NEK1: variants seen among roughly 807,000 people sequenced by gnomAD.
NEK1 encodes NIMA related kinase 1, also known as serine/threonine-protein kinase Nek1.
Under a neutral mutation model 182.1 loss-of-function variants are expected in NEK1, and 137 were observed. The observed-to-expected ratio is 0.75, with a 90% CI of 0.65 to 0.87. NEK1 has a LOEUF of 0.87. NEK1 is among the 40% of genes least tolerant of loss of function. The pLI, the probability that NEK1 is intolerant of heterozygous loss-of-function variation, is 0.00. For synonymous variants in NEK1, 513 were observed against 492.2 expected (o/e 1.04, Z -0.56); for missense variants, 1,391 against 1,494.4 (o/e 0.93, Z 1.14).
In NEK1 at chr4:169,507,629, T is replaced by C. The variant is rs145407222; in HGVS notation, c.1911+86A>G. 2,985 of 899,032 alleles carry C rather than the reference T, an allele frequency of 3.3e-3. 58 individuals carry two copies. In the African/African-American group the frequency reaches 0.041, roughly 12 times the overall value. 55.7% of individuals were successfully genotyped at this position (899,032 alleles called of 1,614,324 possible). A position where few individuals can be genotyped will look rare whatever the true frequency, so the allele number is the denominator to read the frequency against. ...AAATTAAAGGAAGAGACTAAAGTGATATAACTATGCAAAACTTAAGAACAC... is the reference window on the plus strand; with the variant it reads ...AAATTAAAGGAAGAGACTAAAGTGACATAACTATGCAAAACTTAAGAACAC... On this transcript the variant is annotated intron_variant, in intron 22 of 35. Transcript: ENST00000507142.
At chr4:169,506,846 G>C in intron 23 of NEK1, 191 bp downstream of exon 23, 1 of 325,934 alleles carries the variant, frequency 3.1e-6, no homozygotes, top group Non-Finnish European at 5.5e-6. Context: ...CTTCCACATT[G>C]ATTATTCTTA....
At chr4:169,430,783 T>C (rs955652344) in intron 29 of NEK1, among the ~76,000 whole-genome samples, 1 of 152,092 alleles carries the variant, frequency 6.6e-6, no homozygotes, top group African/African-American at 2.4e-5. Flanking sequence ...GGCTCATCAG[T>C]TGTAACAAAT....
chr4:169,483,865 CA>C (rs376726833), intron 23 of NEK1, among the ~76,000 whole-genome samples: 38 of 117,284 alleles, frequency 3.2e-4, no homozygotes, highest in South Asian at 1.2e-3. Flanking sequence ...GACTCTGTCT[CA>C]AAAAAAAAAA....
chr4:169,494,313 T>C (rs1327914915), intron 23 of NEK1, among the ~76,000 whole-genome samples: 1 of 152,142 alleles, frequency 6.6e-6, no homozygotes, highest in African/African-American at 2.4e-5. Context: ...GTGTTCTCAT[T>C]GTTCAATTCC....
intron 18 of NEK1, among the ~76,000 whole-genome samples, chr4:169,545,053 CTTTT>C (rs200190997): frequency 2.2e-5 from 3 of 137,908 alleles, no homozygotes; most frequent in Admixed American, 7.2e-5. Context: ...TTCTCTGATT[CTTTT>C]TTTTTTTTTT....
At chr4:169,589,349 T>G (rs546532588) in intron 7 of NEK1, 98 bp downstream of exon 7, 1 of 741,976 alleles carries the variant, frequency 1.3e-6, no homozygotes, top group Non-Finnish European at 2.3e-6. Context: ...CAGTAAAGAA[T>G]GTACTTAAAG....
rs185106301 is a variant in NEK1, at chr4:169,591,564, C to T, written c.313-755G>A. Among the ~76,000 whole-genome samples the T allele has an allele frequency of 2.6e-5, 4 of 152,120 alleles. No homozygotes were observed. In the East Asian group the frequency reaches 7.7e-4, roughly 29 times the overall value. On this transcript the variant is annotated intron_variant, in intron 5 of 35. Transcript: ENST00000507142. ...ATCTCTGACTTTTTTTCTCTTCCCA[C>T]ATTTATTATATATAAACACTCTTCT...
intron 29 of NEK1, among the ~76,000 whole-genome samples, chr4:169,427,714 T>C (rs1188986554): frequency 6.6e-6 from 1 of 151,818 alleles, no homozygotes; most frequent in Non-Finnish European, 1.5e-5. Flanking sequence ...CAGGTTGGTC[T>C]CAAACTCCTG....
intron 29 of NEK1, among the ~76,000 whole-genome samples, chr4:169,432,272 A>T (rs569801779): frequency 6.6e-6 from 1 of 152,328 alleles, no homozygotes; most frequent in African/African-American, 2.4e-5. Flanking sequence ...CTGTGGAGAA[A>T]ATGGGGTTCA....
intron 26 of NEK1, among the ~76,000 whole-genome samples, chr4:169,465,989 C>T (rs1419634336): frequency 1.3e-5 from 2 of 151,882 alleles, no homozygotes; most frequent in Admixed American, 6.6e-5. Context: ...AGAATATTAA[C>T]TATAAAAAAG....
At chr4:169,574,168 G>A (rs138828049) in intron 12 of NEK1, among the ~76,000 whole-genome samples, 2 of 151,882 alleles carry the variant, frequency 1.3e-5, no homozygotes, top group Non-Finnish European at 2.9e-5. Flanking sequence ...AAAAAGAAAA[G>A]AAAAGAGAAA....
At chr4:169,451,346 C>A (rs1579751645) in intron 27 of NEK1, among the ~76,000 whole-genome samples, 3 of 152,284 alleles carry the variant, frequency 2.0e-5, no homozygotes, top group African/African-American at 4.8e-5. Flanking sequence ...CTTCTCAGCA[C>A]CACATAGCCC....
At chr4:169,591,154 C>T (rs546865749) in intron 5 of NEK1, among the ~76,000 whole-genome samples, 3 of 149,580 alleles carry the variant, frequency 2.0e-5, no homozygotes, top group South Asian at 2.1e-4. Flanking sequence ...GCCCCCCCCC[C>T]ACTTCTTTAG....
chr4:169,486,255 A>G (rs1314163123), intron 23 of NEK1, among the ~76,000 whole-genome samples: 2 of 152,258 alleles, frequency 1.3e-5, no homozygotes, highest in South Asian at 2.1e-4. Flanking sequence ...TATTGTCACA[A>G]AAGGTTTTCA....
intron 4 of NEK1, among the ~76,000 whole-genome samples, chr4:169,599,970 C>T (rs1252729770): frequency 6.6e-6 from 1 of 152,002 alleles, no homozygotes; most frequent in Non-Finnish European, 1.5e-5. Context: ...AAGGGAACCT[C>T]TCGCCTCAGC....
intron 5 of NEK1, among the ~76,000 whole-genome samples, chr4:169,592,877 A>C (rs1398282108): frequency 6.6e-6 from 1 of 152,204 alleles, no homozygotes; most frequent in Non-Finnish European, 1.5e-5. Context: ...TAATAATTGC[A>C]TAAGCTTTTT....
intron 19 of NEK1, among the ~76,000 whole-genome samples, chr4:169,533,277 T>C (rs937691050): frequency 3.3e-5 from 5 of 152,234 alleles, no homozygotes; most frequent in Non-Finnish European, 7.4e-5. Context: ...AGAATATCAG[T>C]ATGTCCCACT....
intron 27 of NEK1, among the ~76,000 whole-genome samples, chr4:169,444,668 G>A (rs190512500): frequency 5.9e-5 from 9 of 152,202 alleles, no homozygotes; most frequent in East Asian, 3.9e-4. Flanking sequence ...GGACTTCAAC[G>A]CCCCATGGAC....
intron 13 of NEK1, 110 bp from the exon 14 acceptor site, chr4:169,562,001 T>TA (rs1554067816): frequency 0.022 from 19,719 of 887,630 alleles, 12 homozygotes; most frequent in South Asian, 0.026. Flanking sequence ...GGTTTTTTTT[T>TA]TAAAAAAAAA....
Sources: gnomAD v4.1 joint callset for allele counts (sites outside exome capture counted in the v4.1 genomes callset) on GRCh38, gnomAD v4.1.1 for gene constraint, MANE v1.5 for transcripts, NCBI Gene and HGNC (gene_info 2026-07-23, HGNC 2026-07-21) for gene names.